The following PPIE variants were observed in gnomAD, a reference collection of about 807,000 sequenced individuals.
PPIE encodes peptidyl-prolyl cis-trans isomerase E.
A neutral mutation model predicts 38.4 loss-of-function variants in PPIE; 20 were observed. The ratio of observed to expected loss-of-function variants is 0.52; its 90% CI spans 0.37 to 0.76. The LOEUF (loss-of-function observed/expected upper bound fraction) is 0.76. PPIE is among the 30% of genes least tolerant of loss of function. The pLI is 0.00. For missense variants in PPIE, 322 were observed against 385.8 expected, an observed-to-expected ratio of 0.83 and a Z score of 1.39; for synonymous variants, 142 against 135.7, an observed-to-expected ratio of 1.05 and a Z score of -0.32.
At chr1:39,749,640 G>T (rs1055897045) in intron 8 of PPIE, among the ~76,000 whole-genome samples, 1 of 151,790 alleles carries the variant, frequency 6.6e-6, no homozygotes, top group Non-Finnish European at 1.5e-5. Flanking sequence ...CTCTCCACTC[G>T]TGCATGCTCT....
chr1:39,753,107 G>A, intron 9 of PPIE, 55 bp downstream of exon 9: 10 of 1,608,644 alleles, frequency 6.2e-6, no homozygotes, highest in Non-Finnish European at 8.5e-6. Context: ...GCACAGCCCT[G>A]TGTGAGGGCT....
chr1:39,751,310 A>AT (rs1193742362), intron 8 of PPIE, among the ~76,000 whole-genome samples: 2 of 152,134 alleles, frequency 1.3e-5, no homozygotes, highest in Non-Finnish European at 2.9e-5. Flanking sequence ...CTGTAAACAC[A>AT]TTTTTTACCT....
At chr1:39,740,016 G>T in intron 1 of PPIE, 149 bp from the exon 2 acceptor site, 1 of 601,308 alleles carries the variant, frequency 1.7e-6, no homozygotes, top group Non-Finnish European at 3.0e-6. Flanking sequence ...TCATAAGTAT[G>T]GGTGGGCAGA....
rs918646742 is a variant in PPIE, at chr1:39,755,697, C to T, written c.*2342C>T. The T allele has an allele frequency of 2.0e-6, 2 of 985,424 alleles. No individual in the cohort carries two copies. Among genetic ancestry groups the T allele is most frequent in the Non-Finnish European group, 1.2e-6 (1 of 829,924 alleles). 61.0% of individuals were successfully genotyped at this position (985,424 alleles called of 1,614,324 possible). A position where few individuals can be genotyped will look rare whatever the true frequency, so the allele number is the denominator to read the frequency against. On this transcript the variant is annotated 3_prime_UTR_variant, in exon 10 of 10. Coordinates refer to ENST00000324379, the MANE Select transcript of PPIE (RefSeq NM_006112.4). ...CTTGTCACTCTGTTCCTCCCTGATA[C>T]TCTGGGGAGGTGGAGGCCAGTGGGC...
At chr1:39,761,879 C>T (rs971422025) in intron 9 of PPIE, among the ~76,000 whole-genome samples, 7 of 152,240 alleles carry the variant, frequency 4.6e-5, no homozygotes, top group African/African-American at 4.8e-5. Context: ...TCCCCTAGAG[C>T]GCAGCGCCTG....
chr1:39,755,720 G>T lies in PPIE; in HGVS notation c.*2365G>T. 2 of 985,394 alleles carry T rather than the reference G, an allele frequency of 2.0e-6. No homozygotes were observed. Among genetic ancestry groups the T allele is most frequent in the Non-Finnish European group, 2.4e-6 (2 of 829,914 alleles). 61.0% of individuals were successfully genotyped at this position (985,394 alleles called of 1,614,324 possible). A position where few individuals can be genotyped will look rare whatever the true frequency, so the allele number is the denominator to read the frequency against. On this transcript the variant is annotated 3_prime_UTR_variant, in exon 10 of 10. Transcript: ENST00000324379. ...TACTCTGGGGAGGTGGAGGCCAGTGGGCAGTTCTGAAAGCTCAGCAGGTTT... is the reference window on the plus strand; with the variant it reads ...TACTCTGGGGAGGTGGAGGCCAGTGTGCAGTTCTGAAAGCTCAGCAGGTTT...
chr1:39,743,792 G>C, intron 5 of PPIE, 32 bp from the exon 6 acceptor site: 3 of 1,572,268 alleles, frequency 1.9e-6, no homozygotes, highest in Middle Eastern at 1.7e-4. Flanking sequence ...CTGACAGCTT[G>C]AATGAACATT....
Position 39,738,915 on chromosome 1 carries a change from G to C in PPIE, c.15G>C (p.Lys5Asn). 2 of 1,504,394 alleles carry C rather than the reference G, an allele frequency of 1.3e-6. No homozygotes were observed. Among genetic ancestry groups the C allele is most frequent in the East Asian group, 5.4e-5 (2 of 37,340 alleles). 93.2% of individuals were successfully genotyped at this position (1,504,394 alleles called of 1,614,324 possible). MATT[K>N]RVLYVGGLAE... is the part of the protein sequence containing the mutation. The stretch of plus-strand genomic sequence containing the variant: ...GCGCGAGCAAGATGGCCACCACCAA[G>C]CGCGTCTTGTACGTGGGTGAGCAGG... Residue 5 changes from lysine (K) to asparagine (N), a missense_variant, in exon 1 of 10, where the codon AAG becomes AAC. By Grantham distance (94) the Lys-to-Asn change is moderately conservative. Transcript: ENST00000324379.
intron 8 of PPIE, 52 bp downstream of exon 8, chr1:39,749,140 G>A: frequency 6.6e-7 from 1 of 1,522,216 alleles, no homozygotes. Flanking sequence ...AGGGTGGGAT[G>A]GCCAGGCAGG....
chr1:39,750,881 T>C (rs1569694691), intron 8 of PPIE, among the ~76,000 whole-genome samples: 1 of 152,220 alleles, frequency 6.6e-6, no homozygotes, highest in Admixed American at 6.5e-5. Context: ...CATGTGTAGG[T>C]GATATAGCCC....
chr1:39,741,962 G>C, intron 4 of PPIE, 41 bp downstream of exon 4: 1 of 1,610,854 alleles, frequency 6.2e-7, no homozygotes, highest in Non-Finnish European at 8.5e-7. Flanking sequence ...GTTGCTTTTT[G>C]GTGGTACAGA....
At chr1:39,740,335 AATTCTAAATATGC>A (rs1465388359) in intron 2 of PPIE, 72 bp downstream of exon 2, 10 of 1,196,022 alleles carry the variant, frequency 8.4e-6, no homozygotes, top group Non-Finnish European at 1.2e-5. Context: ...GTCACATCAC[AATTCTAAATATGC>A]ATTCTAAATA....
At chr1:39,763,056 C>A (rs746739045) in intron 9 of PPIE, 5 of 1,604,590 alleles carry the variant, frequency 3.1e-6, no homozygotes, top group Non-Finnish European at 4.3e-6. Flanking sequence ...GGGCCCCCCA[C>A]CCCAGGGGGC....
intron 2 of PPIE, 138 bp downstream of exon 2, chr1:39,740,401 G>T: frequency 1.6e-6 from 1 of 644,444 alleles, no homozygotes; most frequent in South Asian, 2.0e-5. Context: ...GGTGTCTGGT[G>T]ACAGTGATCT....
At chr1:39,758,273 C>G (rs1379497280), downstream of PPIE, 1 of 152,156 alleles carries the variant, frequency 6.6e-6, no homozygotes, top group African/African-American at 2.4e-5. Flanking sequence ...CTCATGTCAC[C>G]AGGCTGAAGT....
At chr1:39,763,885 T>A (rs1341377368) in exon 10 of PPIE, 10 of 1,368,406 alleles carry the variant, frequency 7.3e-6, no homozygotes, top group Middle Eastern at 2.2e-4. Context: ...GATGAGCACA[T>A]TTGTCAAATA....
At position 39,743,821 on chromosome 1, in the gene PPIE, C is replaced by T. The variant is rs1557444780; in HGVS notation, c.284-3C>T. ...GAACATTTGTTTGATTCTTTCCTTT[C>T]AGTTTGGTCAGATGATGACTGGTTG... is the stretch of plus-strand genomic sequence containing the variant. On this transcript the variant is annotated splice_region_variant and splice_polypyrimidine_tract_variant and intron_variant, in intron 5 of 9. Coordinates refer to ENST00000324379, the MANE Select transcript of PPIE (RefSeq NM_006112.4). 3 of 1,608,702 alleles carry T rather than the reference C, an allele frequency of 1.9e-6. No individual in the cohort carries two copies. The highest frequency in any genetic ancestry group is 1.3e-5 in the African/African-American group (1 of 74,838).
intron 5 of PPIE, 35 bp from the exon 6 acceptor site, chr1:39,743,789 C>A: frequency 6.4e-7 from 1 of 1,564,654 alleles, no homozygotes; most frequent in Non-Finnish European, 8.8e-7. Flanking sequence ...AAGCTGACAG[C>A]TTGAATGAAC....
intron 4 of PPIE, chr1:39,742,508 T>C (rs1647088129): frequency 6.7e-6 from 1 of 149,264 alleles, no homozygotes. Flanking sequence ...TTTTTTTTTT[T>C]TTTTTAACAA....
Sources: allele counts gnomAD v4.1 joint callset (sites outside exome capture counted in the v4.1 genomes callset), GRCh38; gene constraint gnomAD v4.1.1; transcripts MANE v1.5; gene names NCBI Gene and HGNC (gene_info 2026-07-23, HGNC 2026-07-21).